SLC35F4: variants seen among roughly 807,000 people sequenced by gnomAD.
The protein encoded by SLC35F4 is chromosome 14 open reading frame 36.
Under a neutral mutation model 44.2 loss-of-function variants are expected in SLC35F4, and 24 were observed. The observed-to-expected ratio is 0.54, with a 90% confidence interval of 0.39 to 0.76. The LOEUF (loss-of-function observed/expected upper bound fraction) is 0.76. SLC35F4 is among the 30% of genes least tolerant of loss of function. The pLI, the probability that SLC35F4 is intolerant of heterozygous loss-of-function variation, is 0.00. For synonymous variants in SLC35F4, 238 were observed against 223.6 expected (o/e 1.06, Z -0.57); for missense variants, 562 against 586.1 (o/e 0.96, Z 0.42).
At chr14:57,742,223 G>A (rs968249224) in intron 1 of SLC35F4, among the ~76,000 whole-genome samples, 5 of 152,208 alleles carry the variant, frequency 3.3e-5, no homozygotes, top group South Asian at 2.1e-4. Context: ...ACACATAACA[G>A]TATTAACCTT....
chr14:57,920,799 C>A (rs949667344), intron 1 of SLC35F4, among the ~76,000 whole-genome samples: 2 of 152,058 alleles, frequency 1.3e-5, no homozygotes, highest in Non-Finnish European at 2.9e-5. Context: ...ACCTTCTAGC[C>A]CAATAAGCTT....
intron 1 of SLC35F4, among the ~76,000 whole-genome samples, chr14:57,899,847 T>C (rs758718007): frequency 6.6e-5 from 10 of 152,194 alleles, no homozygotes; most frequent in South Asian, 2.1e-4. Context: ...GTGTTACAGC[T>C]CTTAAAGATG....
At chr14:57,725,995 C>A (rs1566798526) in intron 1 of SLC35F4, among the ~76,000 whole-genome samples, 2 of 152,120 alleles carry the variant, frequency 1.3e-5, no homozygotes, top group South Asian at 4.1e-4. Context: ...ACAATGATTC[C>A]ATTAAACTAG....
chr14:57,734,687 T>C (rs2076422625), intron 1 of SLC35F4, among the ~76,000 whole-genome samples: 1 of 152,092 alleles, frequency 6.6e-6, no homozygotes, highest in South Asian at 2.1e-4. Context: ...ATGTCATAGA[T>C]AAAATACCAA....
At chr14:57,718,430 T>C (rs972991330) in intron 1 of SLC35F4, among the ~76,000 whole-genome samples, 4 of 152,224 alleles carry the variant, frequency 2.6e-5, no homozygotes, top group African/African-American at 9.6e-5. Context: ...AACTGTTCTC[T>C]GTAGTGGTTG....
At chr14:57,974,791 G>A (rs1881165510), downstream of SLC35F4, among the ~76,000 whole-genome samples, 1 of 152,112 alleles carries the variant, frequency 6.6e-6, no homozygotes. Context: ...AGGGTTGTGG[G>A]GATTCAATAG....
intron 1 of SLC35F4, among the ~76,000 whole-genome samples, chr14:57,765,346 C>T (rs978052384): frequency 6.6e-6 from 1 of 152,176 alleles, no homozygotes; most frequent in Admixed American, 6.5e-5. Flanking sequence ...AGAAAGTAGG[C>T]CTTACAGGCA....
chr14:57,730,878 G>C (rs2076326848), intron 1 of SLC35F4, among the ~76,000 whole-genome samples: 1 of 152,120 alleles, frequency 6.6e-6, no homozygotes, highest in African/African-American at 2.4e-5. Context: ...CCTTTTAAAA[G>C]GATTTTAAAT....
intron 1 of SLC35F4, among the ~76,000 whole-genome samples, chr14:57,898,724 T>C (rs759793822): frequency 6.6e-6 from 1 of 152,222 alleles, no homozygotes; most frequent in Non-Finnish European, 1.5e-5. Context: ...GCCCTATTGC[T>C]TTTTAACAAC....
chr14:57,953,734 A>C (rs1890185201), intron 1 of SLC35F4, among the ~76,000 whole-genome samples: 1 of 152,226 alleles, frequency 6.6e-6, no homozygotes, highest in South Asian at 2.1e-4. Context: ...TAACTGTCCT[A>C]AATATATATG....
chr14:57,773,984 C>T (rs184923002), intron 1 of SLC35F4, among the ~76,000 whole-genome samples: 2 of 152,012 alleles, frequency 1.3e-5, no homozygotes, highest in Non-Finnish European at 2.9e-5. Context: ...CAAAGCAATC[C>T]AAATAAGACC....
At chr14:57,874,795 C>T (rs1220694277) in intron 1 of SLC35F4, among the ~76,000 whole-genome samples, 3 of 152,156 alleles carry the variant, frequency 2.0e-5, no homozygotes, top group Admixed American at 2.0e-4. Flanking sequence ...CTTCCTCTGG[C>T]TGAGCCCTGG....
intron 1 of SLC35F4, among the ~76,000 whole-genome samples, chr14:57,909,817 T>C (rs1889182563): frequency 2.0e-5 from 3 of 152,146 alleles, no homozygotes; most frequent in Non-Finnish European, 4.4e-5. Flanking sequence ...AAGTTTTCAA[T>C]TATTTTGGGT....
In SLC35F4 at chr14:57,815,581, A is replaced by G. The variant is rs146235971; in HGVS notation, c.103+50142T>C. On this transcript the variant is annotated intron_variant, in intron 1 of 7. Transcript: ENST00000556826. ...TGAAAAATCAGTCTCTCAATTTTTA[A>G]TATGTGACCCTTCTTACTTCTACCT... Among the ~76,000 whole-genome samples, 1,012 of 152,282 alleles carry G rather than the reference A, an allele frequency of 6.6e-3. 28 individuals are homozygous for G. The highest frequency in any genetic ancestry group is 0.056 in the Admixed American group (858 of 15,274).
intron 1 of SLC35F4, among the ~76,000 whole-genome samples, chr14:57,955,213 G>A (rs1890214804): frequency 6.6e-6 from 1 of 152,134 alleles, no homozygotes; most frequent in African/African-American, 2.4e-5. Context: ...CTCAGTAGAT[G>A]CAGAAAAGGT....
chr14:57,911,714 C>A (rs1889219275), intron 1 of SLC35F4, among the ~76,000 whole-genome samples: 1 of 151,876 alleles, frequency 6.6e-6, no homozygotes, highest in East Asian at 1.9e-4. Flanking sequence ...ATTTTTGCAT[C>A]TATGTTTATG....
At chr14:57,589,906 G>A (rs910025217) in intron 2 of SLC35F4, among the ~76,000 whole-genome samples, 1 of 152,142 alleles carries the variant, frequency 6.6e-6, no homozygotes, top group Non-Finnish European at 1.5e-5. Context: ...GCCTTAGGAG[G>A]CATCCCAAGG....
In SLC35F4 at chr14:57,564,234, T is replaced by G. The variant is rs374444648; in HGVS notation, c.1359A>C (p.Glu453Asp). The change falls in exon 8 of 8, where the codon GAA becomes GAC. Residue 453 changes from glutamate to aspartate, a missense_variant. Glu to Asp is a conservative substitution (Grantham distance 45, BLOSUM62 2). Coordinates refer to ENST00000556826, the MANE Select transcript of SLC35F4 (RefSeq NM_001306087.2). ...CATCCACATGCTCCTCACTCTTCTT[T>G]TCCTTCAGGCTGTTGATGAACCTCA... ...ITLRFINSLK[E>D]KKSEEHVDDV... The G allele has an allele frequency of 3.7e-5, 59 of 1,613,454 alleles. No individual in the cohort carries two copies. In the African/African-American group the frequency reaches 6.8e-4, roughly 19 times the overall value.
At chr14:57,603,239 T>TA (rs771328867) in intron 1 of SLC35F4, among the ~76,000 whole-genome samples, 3 of 152,214 alleles carry the variant, frequency 2.0e-5, no homozygotes, top group Admixed American at 6.5e-5. Context: ...TCCTGATCTT[T>TA]AAATAATTTC....
Sources: gnomAD v4.1 joint callset for allele counts (sites outside exome capture counted in the v4.1 genomes callset) on GRCh38, gnomAD v4.1.1 for gene constraint, MANE v1.5 for transcripts, NCBI Gene and HGNC (gene_info 2026-07-23, HGNC 2026-07-21) for gene names.